CTBP2: variants seen among roughly 807,000 people sequenced by gnomAD.
CTBP2 encodes C-terminal binding protein 2.
CTBP2 carries 30 observed loss-of-function variants against 80.3 expected under a neutral mutation model. The observed-to-expected ratio is 0.37, with a 90% confidence interval of 0.28 to 0.51. CTBP2 has a LOEUF of 0.51. Among genes scored for constraint, CTBP2 ranks in the 20% least tolerant of loss-of-function variants. The pLI is 0.93. For missense variants in CTBP2, 1,212 were observed against 1,375.3 expected (o/e 0.88, Z 1.88); for synonymous variants, 594 against 587.4 (o/e 1.01, Z -0.16).
intron 1 of CTBP2, among the ~76,000 whole-genome samples, chr10:125,154,758 C>A (rs1207811772): frequency 1.3e-5 from 2 of 152,196 alleles, no homozygotes; most frequent in African/African-American, 4.8e-5. Context: ...CAGGAATGCA[C>A]CTCCCTTAAG....
intron 1 of CTBP2, among the ~76,000 whole-genome samples, chr10:125,004,961 C>T (rs1590008778): frequency 1.3e-5 from 2 of 152,216 alleles, no homozygotes; most frequent in African/African-American, 4.8e-5. Flanking sequence ...CCAAGCTGGC[C>T]ACTTGGTGGG....
intron 1 of CTBP2, among the ~76,000 whole-genome samples, chr10:125,114,501 A>G (rs941267438): frequency 1.3e-5 from 2 of 152,062 alleles, no homozygotes; most frequent in African/African-American, 2.4e-5. Flanking sequence ...AGGCTGCAGT[A>G]CCTAGACAGG....
At position 125,026,223 on chromosome 10, in the gene CTBP2, G is replaced by C. The variant is rs772005103; in HGVS notation, c.1537C>G (p.Arg513Gly). The C allele has an allele frequency of 7.4e-6, 12 of 1,613,602 alleles. No homozygotes were observed. The highest frequency in any genetic ancestry group is 1.7e-4 in the Middle Eastern group (1 of 6,060). ...GGCCCCAGGGGTGCACCTGGCTTCC[G>C]CAAGACCTGGGGGCTGCCGTGAGGG... The change falls in exon 1 of 9, where the codon CGG (arginine) becomes GGG (glycine). Residue 513 changes from arginine (R) to glycine (G), a missense_variant. Around this residue, in one of 3 missense-constraint regions of CTBP2, gnomAD observed 848 missense variants for 782.3 expected, o/e 1.08. Transcript: ENST00000309035.
At position 125,066,399 on chromosome 10, in the gene CTBP2, A is replaced by G. The variant is rs1312490284; in HGVS notation, c.-101-27244T>C. Among the ~76,000 whole-genome samples, 3 of 152,168 alleles carry G rather than the reference A, an allele frequency of 2.0e-5. No homozygotes were observed. The highest frequency in any genetic ancestry group is 4.8e-5 in the African/African-American group (2 of 41,442). On this transcript the variant is annotated intron_variant, in intron 2 of 10. Transcript: ENST00000337195. The surrounding 1 kb of genome is among the most constrained non-coding windows in gnomAD (Gnocchi z 4.1). ...CCGTGCCTTCTAAGCAGTCAGGTGC[A>G]TGCACCATGCTAGGTGAGTGCAGGG...
At chr10:125,118,478 A>C (rs61199401) in intron 1 of CTBP2, among the ~76,000 whole-genome samples, 4,841 of 152,234 alleles carry the variant, frequency 0.032, 244 homozygotes, top group African/African-American at 0.11. Context: ...AGAAAAGTGG[A>C]TCCACGAGCA....
At chr10:125,054,370 GGCCAGCTGCCAT>G (rs1432190012) in intron 2 of CTBP2, among the ~76,000 whole-genome samples, 1 of 152,114 alleles carries the variant, frequency 6.6e-6, no homozygotes, top group African/African-American at 2.4e-5. Context: ...CCCTCCCAGA[GGCCAGCTGCCAT>G]GCCAGCTGCC....
chr10:125,113,191 T>C (rs1388277998), intron 1 of CTBP2, among the ~76,000 whole-genome samples: 1 of 152,294 alleles, frequency 6.6e-6, no homozygotes, highest in Middle Eastern at 3.4e-3. Context: ...GGGACAAGCA[T>C]AGCTTTTCAG....
intron 3 of CTBP2, 118 bp downstream of exon 5, chr10:125,002,842 G>T: frequency 7.6e-7 from 1 of 1,309,438 alleles, no homozygotes; most frequent in Non-Finnish European, 1.0e-6. Context: ...CAGCCACCTT[G>T]CTACAGCCAG....
intron 2 of CTBP2, chr10:125,100,785 A>T (rs1283143666): frequency 6.6e-6 from 1 of 152,222 alleles, no homozygotes; most frequent in African/African-American, 2.4e-5. Context: ...GCATTTAAAT[A>T]GAATGTTTTT....
In CTBP2 at chr10:124,985,524, T is replaced by C. The variant is rs3845; in HGVS notation, c.*3994A>G. 95,813 of 152,554 alleles carry C rather than the reference T, an allele frequency of 0.63. 32,276 individuals carry two copies. Among genetic ancestry groups the C allele is most frequent in the Middle Eastern group, 0.75 (220 of 292 alleles). 9.5% of individuals were successfully genotyped at this position (152,554 alleles called of 1,614,324 possible). Reference sequence around the variant, plus strand: ...CAAAAATAAGCTTTTATTTTATTAATAATTTCGTTCCTCTTGTGCCCAATC... The same window carrying C: ...CAAAAATAAGCTTTTATTTTATTAACAATTTCGTTCCTCTTGTGCCCAATC... On this transcript the variant is annotated 3_prime_UTR_variant, in exon 9 of 9. Transcript: ENST00000309035.
intron 3 of CTBP2, among the ~76,000 whole-genome samples, chr10:125,034,180 G>A (rs1168261782): frequency 2.0e-5 from 3 of 152,232 alleles, no homozygotes; most frequent in Non-Finnish European, 4.4e-5. Context: ...CACCGAACCT[G>A]ATTCACAGCT....
intron 2 of CTBP2, among the ~76,000 whole-genome samples, chr10:125,081,738 T>C (rs1847204491): frequency 6.6e-6 from 1 of 152,230 alleles, no homozygotes; most frequent in African/African-American, 2.4e-5. Context: ...GATTGACTGA[T>C]ATTTTCCCAG....
intron 1 of CTBP2, among the ~76,000 whole-genome samples, chr10:125,112,995 C>T (rs148105590): frequency 1.3e-5 from 2 of 152,334 alleles, no homozygotes; most frequent in East Asian, 3.9e-4. Flanking sequence ...ACACCTAGAA[C>T]CAAGTCACTG....
intron 1 of CTBP2, among the ~76,000 whole-genome samples, chr10:125,006,296 C>T (rs1016665730): frequency 7.4e-5 from 10 of 135,334 alleles, no homozygotes; most frequent in Middle Eastern, 3.5e-3. Context: ...CCGGGCACGA[C>T]GGCTGGAGGT....
intron 1 of CTBP2, among the ~76,000 whole-genome samples, chr10:125,126,745 A>C (rs1366098832): frequency 2.0e-5 from 3 of 152,130 alleles, no homozygotes; most frequent in Non-Finnish European, 4.4e-5. Context: ...ACCCCCCGCT[A>C]TACAGACACA....
At chr10:124,996,048 G>GTTTTGT (rs775197072) in intron 4 of CTBP2, 2 of 131,336 alleles carry the variant, frequency 1.5e-5, no homozygotes, top group African/African-American at 6.2e-5. Context: ...CTATTTCTTT[G>GTTTTGT]TTTTTTTTTT....
At chr10:125,143,895 C>T (rs756498455) in intron 1 of CTBP2, among the ~76,000 whole-genome samples, 1 of 152,176 alleles carries the variant, frequency 6.6e-6, no homozygotes, top group Non-Finnish European at 1.5e-5. Context: ...AGCAGACAAG[C>T]TCCTTGCACA....
intron 1 of CTBP2, among the ~76,000 whole-genome samples, chr10:125,155,447 G>C (rs546445922): frequency 6.6e-6 from 1 of 151,268 alleles, no homozygotes; most frequent in Non-Finnish European, 1.5e-5. Flanking sequence ...TTTCACAGGC[G>C]AAGTTCTGAA....
intron 2 of CTBP2, among the ~76,000 whole-genome samples, chr10:125,069,874 T>G (rs1845185725): frequency 7.1e-6 from 1 of 139,904 alleles, no homozygotes; most frequent in African/African-American, 2.6e-5. Flanking sequence ...TCCTTTTCCA[T>G]ACCCTGCCCC....
Sources: allele counts gnomAD v4.1 joint callset (sites outside exome capture counted in the v4.1 genomes callset), GRCh38; gene constraint gnomAD v4.1.1; regional missense constraint gnomAD v4.1.1; non-coding constraint Gnocchi (gnomAD v3.1); transcripts MANE v1.5; gene names NCBI Gene and HGNC (gene_info 2026-07-23, HGNC 2026-07-21).